PLPPR5: variants seen among roughly 807,000 people sequenced by gnomAD.
PLPPR5 encodes the protein phospholipid phosphatase related 5.
PLPPR5 carries 16 observed loss-of-function variants against 33.9 expected under a neutral mutation model. The observed-to-expected ratio is 0.47, with a 90% CI of 0.32 to 0.72. The LOEUF is 0.72. Ranked by LOEUF, PLPPR5 falls within the 30% of genes least tolerant of loss-of-function variation. PLPPR5 has a pLI of 0.03. For synonymous variants in PLPPR5, 163 were observed against 150.3 expected, an observed-to-expected ratio of 1.08 and a Z score of -0.62; for missense variants, 301 against 406.7, an observed-to-expected ratio of 0.74 and a Z score of 2.23.
chr1:98,996,855 C>T (rs11800355), intron 1 of PLPPR5, among the ~76,000 whole-genome samples: 13,931 of 152,032 alleles, frequency 0.092, 720 homozygotes, highest in Middle Eastern at 0.1. Flanking sequence ...GATGTATACT[C>T]AATATGTTTT....
At chr1:98,965,230 C>T (rs990789596) in intron 1 of PLPPR5, among the ~76,000 whole-genome samples, 1 of 152,136 alleles carries the variant, frequency 6.6e-6, no homozygotes, top group African/African-American at 2.4e-5. Context: ...AGATCTGCTC[C>T]TGAACCCCAA....
chr1:98,961,234 C>A (rs954796523), intron 1 of PLPPR5, among the ~76,000 whole-genome samples: 1 of 152,158 alleles, frequency 6.6e-6, no homozygotes, highest in Non-Finnish European at 1.5e-5. Flanking sequence ...ATAATTGCTT[C>A]TAGGAGAATA....
At chr1:98,969,676 G>A (rs992248506) in intron 1 of PLPPR5, among the ~76,000 whole-genome samples, 1 of 152,100 alleles carries the variant, frequency 6.6e-6, no homozygotes, top group Non-Finnish European at 1.5e-5. Flanking sequence ...AATCAGTGGG[G>A]TGGCTCTTTG....
intron 1 of PLPPR5, among the ~76,000 whole-genome samples, chr1:98,969,467 C>T (rs1651575757): frequency 6.6e-6 from 1 of 151,970 alleles, no homozygotes; most frequent in African/African-American, 2.4e-5. Flanking sequence ...ACTAAAAAGG[C>T]ATTTAAGTAG....
intron 1 of PLPPR5, among the ~76,000 whole-genome samples, chr1:98,996,123 T>C (rs1263036341): frequency 3.3e-5 from 5 of 152,036 alleles, no homozygotes; most frequent in African/African-American, 1.2e-4. Flanking sequence ...CATAAAGGCA[T>C]TGGTGCTAGC....
Position 98,940,634 on chromosome 1 carries a change from C to A in PLPPR5, c.621+12436G>T, listed in dbSNP as rs546637369. On this transcript the variant is annotated intron_variant, in intron 3 of 5. Coordinates refer to ENST00000263177, the MANE Select transcript of PLPPR5 (RefSeq NM_001037317.2). ...TAACTCATGCTTTAGGGGTGTTACTCCAGTGGCAAAGTGCAGAATGGACAA... is the reference window on the plus strand; with the variant it reads ...TAACTCATGCTTTAGGGGTGTTACTACAGTGGCAAAGTGCAGAATGGACAA... Among the ~76,000 whole-genome samples the A allele has an allele frequency of 7.2e-4, 110 of 151,866 alleles. 2 individuals carry two copies. Among genetic ancestry groups the A allele is most frequent in the African/African-American group, 2.6e-3 (107 of 41,456 alleles).
chr1:98,906,091 C>T (rs1369265234), intron 5 of PLPPR5, among the ~76,000 whole-genome samples: 1 of 150,560 alleles, frequency 6.6e-6, no homozygotes, highest in Non-Finnish European at 1.5e-5. Context: ...TGCTATATAC[C>T]TAGTATATAT....
At chr1:99,000,274 T>C (rs756775555) in intron 1 of PLPPR5, among the ~76,000 whole-genome samples, 1 of 152,172 alleles carries the variant, frequency 6.6e-6, no homozygotes, top group Non-Finnish European at 1.5e-5. Flanking sequence ...TATTAGACAA[T>C]GCAAAATAAA....
At chr1:98,895,181 G>T (rs1338762307) in intron 5 of PLPPR5, among the ~76,000 whole-genome samples, 3 of 152,004 alleles carry the variant, frequency 2.0e-5, no homozygotes, top group African/African-American at 7.2e-5. Context: ...GACCACTAGA[G>T]TGTTGCCCTC....
chr1:98,933,472 G>A, intron 3 of PLPPR5, among the ~76,000 whole-genome samples: 1 of 122,116 alleles, frequency 8.2e-6, no homozygotes, highest in Admixed American at 9.5e-5. Flanking sequence ...GACAGAGTGA[G>A]ACTCCGTCTC....
At chr1:98,918,505 A>T (rs4908131) in intron 4 of PLPPR5, among the ~76,000 whole-genome samples, 1 of 152,050 alleles carries the variant, frequency 6.6e-6, no homozygotes, top group South Asian at 2.1e-4. Context: ...TATTTTGCTA[A>T]GTATGGTGAT....
At chr1:98,907,029 T>G (rs143698307) in intron 5 of PLPPR5, among the ~76,000 whole-genome samples, 1 of 152,262 alleles carries the variant, frequency 6.6e-6, no homozygotes, top group East Asian at 1.9e-4. Flanking sequence ...CTTTGTTCTT[T>G]ATGGTTTCTA....
intron 5 of PLPPR5, among the ~76,000 whole-genome samples, chr1:98,909,556 G>A (rs1298929063): frequency 2.0e-5 from 3 of 151,574 alleles, no homozygotes; most frequent in Non-Finnish European, 4.4e-5. Context: ...GGTTTCACTG[G>A]TACCAGACAC....
intron 3 of PLPPR5, among the ~76,000 whole-genome samples, chr1:98,930,370 TTAA>T (rs1273901052): frequency 2.0e-5 from 3 of 152,170 alleles, no homozygotes; most frequent in Admixed American, 6.5e-5. Context: ...GAAACTATAA[TTAA>T]TGATAATGTG....
intron 5 of PLPPR5, among the ~76,000 whole-genome samples, chr1:98,909,593 A>T (rs1649044866): frequency 6.6e-6 from 1 of 151,924 alleles, no homozygotes; most frequent in Non-Finnish European, 1.5e-5. Context: ...CCATTAACTT[A>T]TTGAACTCAT....
intron 3 of PLPPR5, among the ~76,000 whole-genome samples, chr1:98,939,424 T>A (rs309054): frequency 1 from 151,354 of 151,888 alleles, 75,425 homozygotes; most frequent in Middle Eastern, 1. Context: ...TCCAGGTTGC[T>A]AAGGTAAAAA....
chr1:98,967,060 T>C (rs1651475645), intron 1 of PLPPR5, among the ~76,000 whole-genome samples: 1 of 152,080 alleles, frequency 6.6e-6, no homozygotes, highest in African/African-American at 2.4e-5. Context: ...CATTGTAAAT[T>C]TGTCAAGATT....
At chr1:98,977,747 G>T (rs563865133) in intron 1 of PLPPR5, among the ~76,000 whole-genome samples, 1 of 151,682 alleles carries the variant, frequency 6.6e-6, no homozygotes, top group East Asian at 2.0e-4. Context: ...TTGCTTGGAA[G>T]AAAGGTTTAT....
intron 4 of PLPPR5, among the ~76,000 whole-genome samples, chr1:98,917,459 G>A (rs1649399596): frequency 6.6e-6 from 1 of 152,110 alleles, no homozygotes; most frequent in African/African-American, 2.4e-5. Context: ...ACTGGATTAT[G>A]TTACCCCCTT....
Sources: gnomAD v4.1 joint callset for allele counts (sites outside exome capture counted in the v4.1 genomes callset) on GRCh38, gnomAD v4.1.1 for gene constraint, MANE v1.5 for transcripts, NCBI Gene and HGNC (gene_info 2026-07-23, HGNC 2026-07-21) for gene names.